The following ZBTB4 variants were observed in gnomAD, a reference collection of about 807,000 sequenced individuals.
ZBTB4 encodes zinc finger and BTB domain-containing protein 4.
A neutral mutation model predicts 59.8 loss-of-function variants in ZBTB4; 14 were observed. The observed-to-expected ratio is 0.23, with a 90% CI of 0.15 to 0.37. The LOEUF (loss-of-function observed/expected upper bound fraction) is 0.37. Among genes scored for constraint, ZBTB4 ranks in the 10% least tolerant of loss-of-function variants. ZBTB4 has a pLI of 1.00. For synonymous variants in ZBTB4, 587 were observed against 575.2 expected (o/e 1.02, Z -0.29); for missense variants, 1,198 against 1,380.8 (o/e 0.87, Z 2.10).
chr17:7,465,723 G>A lies in ZBTB4; in HGVS notation c.1079C>T (p.Thr360Met). The A allele has an allele frequency of 1.2e-6, 2 of 1,604,320 alleles. No individual in the cohort carries two copies. Among genetic ancestry groups the A allele is most frequent in the Non-Finnish European group, 8.5e-7 (1 of 1,173,430 alleles). Residue 360 changes from threonine to methionine, a missense_variant, in exon 3 of 4, where the codon ACG (threonine) becomes ATG (methionine). Thr to Met is a moderately conservative substitution (Grantham distance 81). Around this residue, in one of 9 missense-constraint regions of ZBTB4, gnomAD observed 11 missense variants for 57.5 expected, o/e 0.19. Coordinates refer to ENST00000380599, the MANE Select transcript of ZBTB4 (RefSeq NM_001128833.2). ...EYRTKHEVWHTGERRYQCIFC... is the reference protein window; with the variant it reads ...EYRTKHEVWHMGERRYQCIFC... ...CTGGATCACTCACCTGCGCTCCCCC[G>A]TGTGCCACACTTCATGCTTCGTGCG...
chr17:7,466,239 G>A lies in ZBTB4; in HGVS notation c.563C>T (p.Pro188Leu). Residue 188 changes from proline (P) to leucine (L), a missense_variant, in exon 3 of 4, where the codon CCT becomes CTT. Pro to Leu is a moderately conservative substitution (Grantham distance 98). Around this residue, in one of 9 missense-constraint regions of ZBTB4, gnomAD observed 204 missense variants for 205.5 expected, o/e 0.99. Transcript: ENST00000380599. This position sits in a 1 kb window ranked among gnomAD's most constrained non-coding sequence, Gnocchi z 9.1. ...CGAGGTGGCCATGGGGGCTGGGGTA[G>A]GAGGTACCCAGGCATCACCTCCCTC... ...LGEGGDAWVPPTPAPMATSQP... is the reference protein window; with the variant it reads ...LGEGGDAWVPLTPAPMATSQP... 6.2e-7 allele frequency: 1 copy of A among 1,613,410 alleles called. No homozygotes were observed. The highest frequency in any genetic ancestry group is 2.2e-5 in the East Asian group (1 of 44,868).
At position 7,466,580 on chromosome 17, in the gene ZBTB4, G is replaced by A. The variant is rs774044633; in HGVS notation, c.222C>T (p.Ala74=). The change falls in exon 3 of 4, where the codon GCC becomes GCT. Residue 74 remains alanine, a synonymous_variant. Transcript: ENST00000380599. This position sits in a 1 kb window ranked among gnomAD's most constrained non-coding sequence, Gnocchi z 9.1. ...PLPLPPATGG[A]APNPATTTAA... is the part of the protein sequence containing the mutation. Reference sequence around the variant, plus strand: ...CTGTGGTGGTGGCAGGGTTGGGTGCGGCGCCCCCAGTAGCTGGTGGAAGGG... The same window carrying A: ...CTGTGGTGGTGGCAGGGTTGGGTGCAGCGCCCCCAGTAGCTGGTGGAAGGG... 1.1e-5 allele frequency: 18 copies of A among 1,612,848 alleles called. No individual in the cohort carries two copies. The highest frequency in any genetic ancestry group is 5.5e-5 in the South Asian group (5 of 90,920).
chr17:7,467,009 C>A (rs1029578242), intron 2 of ZBTB4, among the ~76,000 whole-genome samples, 199 bp from the exon 3 acceptor site: 3 of 152,168 alleles, frequency 2.0e-5, no homozygotes, highest in African/African-American at 7.2e-5. Flanking sequence ...ATGTCTAACT[C>A]ACTTCTGAGG....
At position 7,463,618 on chromosome 17, in the gene ZBTB4, G is replaced by A. The variant is rs369663945; in HGVS notation, c.1364C>T (p.Pro455Leu). The A allele has an allele frequency of 3.7e-5, 60 of 1,606,738 alleles. No homozygotes were observed. The East Asian group carries it at 6.0e-4, about 16-fold the overall frequency. The change falls in exon 4 of 4, where the codon CCG (proline) becomes CTG (leucine). Residue 455 changes from proline to leucine, a missense_variant. Around this residue, in one of 9 missense-constraint regions of ZBTB4, gnomAD observed 550 missense variants for 541.8 expected, o/e 1.02. Transcript: ENST00000380599. Reference sequence around the variant, plus strand: ...TGGGGCAGGTGGAGGCCCAGGCGGCGGGCTGGCTGGCATTGCCACAGGGGC... The same window carrying A: ...TGGGGCAGGTGGAGGCCCAGGCGGCAGGCTGGCTGGCATTGCCACAGGGGC... ...TPAPVAMPAS[P>L]PPGPPPAPEP...
intron 1 of ZBTB4, among the ~76,000 whole-genome samples, chr17:7,473,318 T>C (rs1475282599): frequency 6.6e-6 from 1 of 151,880 alleles, no homozygotes; most frequent in Non-Finnish European, 1.5e-5. Flanking sequence ...GGTTTCACCA[T>C]GTTAGCCAGG....
intron 1 of ZBTB4, among the ~76,000 whole-genome samples, chr17:7,475,628 G>C (rs1167426434): frequency 1.3e-5 from 2 of 152,064 alleles, no homozygotes; most frequent in Non-Finnish European, 2.9e-5. Context: ...AGTAGAGACA[G>C]GGTTTCTCCA....
upstream of ZBTB4, chr17:7,482,981 G>T (rs751754646): frequency 6.2e-7 from 1 of 1,611,480 alleles, no homozygotes; most frequent in African/African-American, 1.3e-5. Flanking sequence ...CTGTGAGAGG[G>T]AAGGGAAGGT....
upstream of ZBTB4, chr17:7,481,664 G>A (rs1368498426): frequency 1.5e-6 from 1 of 669,432 alleles, no homozygotes; most frequent in Non-Finnish European, 2.4e-6. Context: ...TGGAACCTGT[G>A]GCATCATACA....
At position 7,462,598 on chromosome 17, in the gene ZBTB4, G is replaced by A; in HGVS notation, c.2384C>T (p.Thr795Ile). The stretch of plus-strand genomic sequence containing the variant: ...GGAATAGGCAATGACAGGGGTTGGG[G>A]TGCCCCCGGGCCGCTCAGCAGCATG... ...QRHAAERPGG[T>I]PTPVIAYSKG... is the part of the protein sequence containing the mutation. The change falls in exon 4 of 4, where the codon ACC becomes ATC. Residue 795 changes from threonine to isoleucine, a missense_variant. Thr to Ile is a moderately conservative substitution (Grantham distance 89). Around this residue, in one of 9 missense-constraint regions of ZBTB4, gnomAD observed 550 missense variants for 541.8 expected, o/e 1.02. Coordinates refer to ENST00000380599, the MANE Select transcript of ZBTB4 (RefSeq NM_001128833.2). This position sits in a 1 kb window ranked among gnomAD's most constrained non-coding sequence, Gnocchi z 7.5. 1 of 1,611,646 alleles carries A rather than the reference G, an allele frequency of 6.2e-7. No homozygotes were observed. The highest frequency in any genetic ancestry group is 8.5e-7 in the Non-Finnish European group (1 of 1,179,042).
At chr17:7,482,946 CCAT>C (rs772749709), upstream of ZBTB4, 1 of 1,611,936 alleles carries the variant, frequency 6.2e-7, no homozygotes, top group Non-Finnish European at 8.5e-7. Context: ...GGCAGCATTG[CCAT>C]CATCACAGCC....
intron 3 of ZBTB4, 95 bp from the exon 4 acceptor site, chr17:7,463,985 C>T (rs1159683338): frequency 6.6e-7 from 1 of 1,509,504 alleles, no homozygotes; most frequent in East Asian, 2.3e-5. Flanking sequence ...GCACTCAAAC[C>T]TGTGACTCCC....
chr17:7,472,518 G>A (rs2070211918), intron 1 of ZBTB4, among the ~76,000 whole-genome samples: 1 of 151,636 alleles, frequency 6.6e-6, no homozygotes, highest in East Asian at 1.9e-4. Context: ...TTTAGTAGAG[G>A]TGGGGTTTCA....
intron 1 of ZBTB4, among the ~76,000 whole-genome samples, chr17:7,471,158 A>G (rs998498223): frequency 1.3e-5 from 2 of 152,012 alleles, no homozygotes; most frequent in Non-Finnish European, 2.9e-5. Flanking sequence ...CATTGTCATC[A>G]TGGTCTCTGT....
At chr17:7,482,713 C>T (rs887588069), upstream of ZBTB4, 45 of 1,611,908 alleles carry the variant, frequency 2.8e-5, no homozygotes, top group Non-Finnish European at 3.8e-5. Flanking sequence ...TGCTGCAGCC[C>T]CCCGTGTTGC....
At chr17:7,464,446 A>C (rs867988778) in intron 3 of ZBTB4, among the ~76,000 whole-genome samples, 235 of 151,382 alleles carry the variant, frequency 1.6e-3, no homozygotes, top group African/African-American at 5.5e-3. Flanking sequence ...AAAAAAAAAA[A>C]AAAAAACCTC....
Position 7,465,815 on chromosome 17 carries a change from A to G in ZBTB4, c.987T>C (p.Asn329=), listed in dbSNP as rs756667255. 6 of 1,614,204 alleles carry G rather than the reference A, an allele frequency of 3.7e-6. No homozygotes were observed. The highest frequency in any genetic ancestry group is 2.2e-5 in the South Asian group (2 of 91,092). ...GGTACTTCCTCCGCCACGAGTGTAC[A>G]TTGCTGTGTCTCTTCAGACTGGACA... ...VTLSSLKRHS[N]VHSWRRKYPC... is the part of the protein sequence containing the mutation. Residue 329 remains asparagine (N), a synonymous_variant, in exon 3 of 4, where the codon AAT becomes AAC. Transcript: ENST00000380599.
intron 1 of ZBTB4, among the ~76,000 whole-genome samples, chr17:7,470,713 A>G (rs2070186977): frequency 6.6e-6 from 1 of 152,136 alleles, no homozygotes; most frequent in East Asian, 1.9e-4. Flanking sequence ...AATAAATAAA[A>G]TGTCAGATTA....
Position 7,462,875 on chromosome 17 carries a change from C to T in ZBTB4, c.2107G>A (p.Glu703Lys). The stretch of plus-strand genomic sequence containing the variant: ...GGGGTTTCCTCCCAGCTCCTCCGTT[C>T]CAGCTTCTGCCTCCAACGTGGTGGC... ...RRPPRWRQKL[E>K]RRSWEETPAA... The change falls in exon 4 of 4, where the codon GAA (glutamate) becomes AAA (lysine). Residue 703 changes from glutamate (E) to lysine (K), a missense_variant. By Grantham distance (56) the Glu-to-Lys change is moderately conservative (BLOSUM62 1). Coordinates refer to ENST00000380599, the MANE Select transcript of ZBTB4 (RefSeq NM_001128833.2). The surrounding 1 kb of genome is among the most constrained non-coding windows in gnomAD (Gnocchi z 7.5). 1.2e-6 allele frequency: 2 copies of T among 1,606,816 alleles called. No homozygotes were observed. Among genetic ancestry groups the T allele is most frequent in the Non-Finnish European group, 1.7e-6 (2 of 1,179,872 alleles).
chr17:7,477,378 C>A (rs956195283), intron 1 of ZBTB4, among the ~76,000 whole-genome samples: 7 of 152,210 alleles, frequency 4.6e-5, no homozygotes, highest in African/African-American at 1.4e-4. Flanking sequence ...AGCTCCTCAG[C>A]CCTGGACCAT....
Sources: gnomAD v4.1 joint callset for allele counts (sites outside exome capture counted in the v4.1 genomes callset) on GRCh38, gnomAD v4.1.1 for gene constraint, gnomAD v4.1.1 regional missense constraint, Gnocchi (gnomAD v3.1) non-coding constraint, MANE v1.5 for transcripts, NCBI Gene and HGNC (gene_info 2026-07-23, HGNC 2026-07-21) for gene names.